The following PPP2R5C variants were observed in gnomAD, a reference collection of about 807,000 sequenced individuals.
The protein encoded by PPP2R5C is protein phosphatase 2 regulatory subunit B'gamma.
In PPP2R5C, 7 loss-of-function variants were observed where a neutral mutation model predicts 68.9. The observed-to-expected ratio is 0.10, with a 90% CI of 0.06 to 0.19. The LOEUF (loss-of-function observed/expected upper bound fraction) is 0.19, where lower values mean the gene tolerates loss of function less well. Among genes scored for constraint, PPP2R5C ranks in the 10% least tolerant of loss-of-function variants. The probability of loss-of-function intolerance (pLI) is 1.00; values close to 1 mark genes in which losing one functional copy is unlikely to be tolerated. For missense variants in PPP2R5C, 348 were observed against 641.3 expected (o/e 0.54, Z 4.94); for synonymous variants, 210 against 222.2 (o/e 0.95, Z 0.49).
intron 1 of PPP2R5C, chr14:101,824,018 A>ATCT: frequency 7.8e-7 from 1 of 1,289,216 alleles, no homozygotes; most frequent in Non-Finnish European, 1.0e-6. Flanking sequence ...CACTAGGCAC[A>ATCT]GTGCCCACTT....
chr14:101,831,189 G>C (rs1474042439), intron 1 of PPP2R5C, among the ~76,000 whole-genome samples: 1 of 152,080 alleles, frequency 6.6e-6, no homozygotes, highest in African/African-American at 2.4e-5. Context: ...TTTTTTATTT[G>C]CACTTGTTTT....
At position 101,835,852 on chromosome 14, in the gene PPP2R5C, C is replaced by T. The variant is rs2041057398; in HGVS notation, c.95-20834C>T. On this transcript the variant is annotated intron_variant, in intron 1 of 13. Coordinates refer to ENST00000334743, the Ensembl canonical transcript of PPP2R5C. The surrounding 1 kb of genome is among the most constrained non-coding windows in gnomAD (Gnocchi z 5.0). ...TCAGCACGGTCCCATCTGAGCGTCG[C>T]CTTAACCTCTCTGTAGACCTCTGTC... Among the ~76,000 whole-genome samples the T allele has an allele frequency of 6.6e-6, 1 of 152,224 alleles. No individual in the cohort carries two copies. Among genetic ancestry groups the T allele is most frequent in the South Asian group, 2.1e-4 (1 of 4,834 alleles).
chr14:101,906,503 C>T lies in PPP2R5C; in HGVS notation c.1125C>T (p.Tyr375=). ...TGCCCATCATGTTTCCTTCCTTGTACCGCAACTCAAAGACCCATTGGAACA... is the reference window on the plus strand; with the variant it reads ...TGCCCATCATGTTTCCTTCCTTGTATCGCAACTCAAAGACCCATTGGAACA... Residue 375 remains tyrosine, a synonymous_variant, in exon 10 of 14, where the codon TAC becomes TAT. Coordinates refer to ENST00000334743, the Ensembl canonical transcript of PPP2R5C. This position sits in a 1 kb window ranked among gnomAD's most constrained non-coding sequence, Gnocchi z 4.0. The T allele has an allele frequency of 6.2e-7, 1 of 1,613,030 alleles. No homozygotes were observed. The highest frequency in any genetic ancestry group is 1.1e-5 in the South Asian group (1 of 90,708).
At chr14:101,808,360 G>A (rs555315014), upstream of PPP2R5C, among the ~76,000 whole-genome samples, 3 of 152,248 alleles carry the variant, frequency 2.0e-5, no homozygotes, top group South Asian at 2.1e-4. Flanking sequence ...CAGGTGGTGC[G>A]TGCCCACTGC....
intron 1 of PPP2R5C, chr14:101,824,280 G>C (rs900859718): frequency 2.0e-6 from 2 of 978,098 alleles, no homozygotes; most frequent in Non-Finnish European, 2.7e-6. Context: ...AAGTTCTTGC[G>C]GGGTAGGAGA....
chr14:101,885,416 G>A (rs1678027), intron 5 of PPP2R5C, among the ~76,000 whole-genome samples: 22,316 of 120,230 alleles, frequency 0.19, 1,681 homozygotes, highest in African/African-American at 0.42. Flanking sequence ...ATCCCGTGCC[G>A]GCTTGCACAG....
intron 5 of PPP2R5C, among the ~76,000 whole-genome samples, chr14:101,887,083 A>G (rs563778533): frequency 9.2e-5 from 14 of 152,336 alleles, no homozygotes; most frequent in African/African-American, 2.9e-4. Flanking sequence ...AAGAAAAAAC[A>G]TTTTGAACAT....
At chr14:101,920,276 G>A (rs1447993928) in intron 13 of PPP2R5C, among the ~76,000 whole-genome samples, 2 of 152,164 alleles carry the variant, frequency 1.3e-5, no homozygotes, top group African/African-American at 2.4e-5. Flanking sequence ...CCAACTGCTT[G>A]GTCTGTCCAC....
exon 2 of PPP2R5C, chr14:101,762,945 A>G: frequency 3.8e-6 from 6 of 1,582,222 alleles, no homozygotes; most frequent in Non-Finnish European, 5.2e-6. Flanking sequence ...AGTTCAAAAG[A>G]AGGACAAGAC....
At chr14:101,802,551 A>G (rs1248788112) in intron 3 of PPP2R5C, among the ~76,000 whole-genome samples, 1 of 152,228 alleles carries the variant, frequency 6.6e-6, no homozygotes, top group Non-Finnish European at 1.5e-5. Flanking sequence ...GAAAGATTTC[A>G]TGACATTGGA....
chr14:101,864,813 C>T (rs980436552), intron 2 of PPP2R5C, among the ~76,000 whole-genome samples: 3 of 152,148 alleles, frequency 2.0e-5, no homozygotes, highest in South Asian at 2.1e-4. Flanking sequence ...TGATGGAACC[C>T]GAGGACCTGA....
At chr14:101,904,603 G>A (rs1488656431) in intron 9 of PPP2R5C, among the ~76,000 whole-genome samples, 1 of 152,088 alleles carries the variant, frequency 6.6e-6, no homozygotes, top group African/African-American at 2.4e-5. Context: ...TTTCTGCAAA[G>A]TTCATCCCAG....
rs149409772 is a variant in PPP2R5C, at chr14:101,880,878, C to T, written c.295-1283C>T. 3.0e-3 allele frequency among the ~76,000 whole-genome samples: 464 copies of T among 152,272 alleles called. 8 individuals carry two copies. The Middle Eastern group carries it at 0.031, about 10-fold the overall frequency. ...CTTTACAAGACTGGGTATCTAAAGC[C>T]AGCCAAGTTTGCCCTGGACTCTCTA... On this transcript the variant is annotated intron_variant, in intron 2 of 13. Transcript: ENST00000334743.
At position 101,882,302 on chromosome 14, in the gene PPP2R5C, G is replaced by T; in HGVS notation, c.405+31G>T. 6.5e-7 allele frequency: 1 copy of T among 1,531,534 alleles called. No individual in the cohort carries two copies. The highest frequency in any genetic ancestry group is 8.9e-7 in the Non-Finnish European group (1 of 1,117,576). 94.9% of individuals were successfully genotyped at this position (1,531,534 alleles called of 1,614,324 possible). A position where few individuals can be genotyped will look rare whatever the true frequency, so the allele number is the denominator to read the frequency against. On this transcript the variant is annotated intron_variant, in intron 3 of 13. Transcript: ENST00000334743. This position sits in a 1 kb window ranked among gnomAD's most constrained non-coding sequence, Gnocchi z 4.9. Reference sequence around the variant, plus strand: ...GGGCTCTGGGTGATAGACTCGGAGGGCACTGGTGACACATGGGAATGGCCT... The same window carrying T: ...GGGCTCTGGGTGATAGACTCGGAGGTCACTGGTGACACATGGGAATGGCCT...
At chr14:101,786,355 A>G (rs931704553) in intron 3 of PPP2R5C, among the ~76,000 whole-genome samples, 172 bp downstream of exon 3, 2 of 151,634 alleles carry the variant, frequency 1.3e-5, no homozygotes, top group African/African-American at 4.8e-5. Flanking sequence ...TTACTTACTC[A>G]ATTAACATTT....
At position 101,824,225 on chromosome 14, in the gene PPP2R5C, G is replaced by C. The variant is rs572961825; in HGVS notation, c.94+14189G>C. On this transcript the variant is annotated intron_variant, in intron 1 of 13. Transcript: ENST00000334743. ...CTTAATGAGTAATTCTTAGGATTTA[G>C]TACAAAATTAGATATATTCTTTTTA... 3 of 1,172,692 alleles carry C rather than the reference G, an allele frequency of 2.6e-6. No individual in the cohort carries two copies. The East Asian group carries it at 1.8e-4, about 69-fold the overall frequency. The allele number at this position is 1,172,692 out of a possible 1,614,324, so 72.6% of individuals were successfully genotyped here.
At chr14:101,855,816 C>T (rs1457462935) in intron 1 of PPP2R5C, among the ~76,000 whole-genome samples, 1 of 152,216 alleles carries the variant, frequency 6.6e-6, no homozygotes, top group Non-Finnish European at 1.5e-5. Flanking sequence ...AATTTAGCTT[C>T]ATCCACTTGC....
intron 1 of PPP2R5C, chr14:101,818,925 A>G (rs1227604469): frequency 3.2e-6 from 4 of 1,262,078 alleles, no homozygotes; most frequent in African/African-American, 3.0e-5. Context: ...TGTGTTACTC[A>G]TGAGCAATGT....
chr14:101,863,880 A>G (rs1226286731), intron 2 of PPP2R5C, among the ~76,000 whole-genome samples: 1 of 152,150 alleles, frequency 6.6e-6, no homozygotes, highest in Non-Finnish European at 1.5e-5. Context: ...CCTGCGCACC[A>G]CAGAATAAGA....
Sources: allele counts gnomAD v4.1 joint callset (sites outside exome capture counted in the v4.1 genomes callset), GRCh38; gene constraint gnomAD v4.1.1; non-coding constraint Gnocchi (gnomAD v3.1); transcripts MANE v1.5; gene names NCBI Gene and HGNC (gene_info 2026-07-23, HGNC 2026-07-21).